The following SLC24A2 variants were observed in gnomAD, a reference collection of about 807,000 sequenced individuals.
SLC24A2 encodes solute carrier family 24 member 2, also known as sodium/potassium/calcium exchanger 2.
Under a neutral mutation model 62.0 loss-of-function variants are expected in SLC24A2, and 36 were observed. The observed-to-expected ratio is 0.58, with a 90% CI of 0.44 to 0.77. The LOEUF is 0.77. Among genes scored for constraint, SLC24A2 ranks in the 30% least tolerant of loss-of-function variants. The probability of loss-of-function intolerance (pLI) is 0.00; values close to 1 mark genes in which losing one functional copy is unlikely to be tolerated. For missense variants in SLC24A2, 846 were observed against 817.9 expected (o/e 1.03, Z -0.42); for synonymous variants, 358 against 294.0 (o/e 1.22, Z -2.23).
In SLC24A2 at chr9:19,677,631, C is replaced by A. The variant is rs114964432; in HGVS notation, c.931-55332G>T. On this transcript the variant is annotated intron_variant, in intron 2 of 10. Coordinates refer to ENST00000341998, the MANE Select transcript of SLC24A2 (RefSeq NM_020344.4). ...TTCAAATTAAACTGAATAAAACCTT[C>A]AATTCTCATGAATTTTGGCAATTTA... is the stretch of plus-strand genomic sequence containing the variant. Among the ~76,000 whole-genome samples, 300 of 152,228 alleles carry A rather than the reference C, an allele frequency of 2.0e-3. 1 individual carries two copies. Among genetic ancestry groups the A allele is most frequent in the African/African-American group, 6.6e-3 (274 of 41,556 alleles).
the SLC24A2 span, among the ~76,000 whole-genome samples, chr9:20,292,275 T>G: frequency 6.6e-6 from 1 of 152,226 alleles, no homozygotes; most frequent in Admixed American, 6.5e-5. Context: ...GACTGGAATG[T>G]TATTACAGAA....
intron 3 of SLC24A2, among the ~76,000 whole-genome samples, chr9:19,621,149 C>A (rs956553288): frequency 2.6e-5 from 4 of 152,204 alleles, no homozygotes; most frequent in Admixed American, 2.6e-4. Context: ...CACTTGTTAA[C>A]AATCATGGTC....
chr9:20,134,056 C>G, the SLC24A2 span, among the ~76,000 whole-genome samples: 1 of 152,096 alleles, frequency 6.6e-6, no homozygotes, highest in East Asian at 1.9e-4. Flanking sequence ...ACTAACCCAA[C>G]GATGTACACA....
the SLC24A2 span, among the ~76,000 whole-genome samples, chr9:19,962,796 G>A: frequency 6.6e-6 from 1 of 152,142 alleles, no homozygotes; most frequent in Non-Finnish European, 1.5e-5. Context: ...CAATCATGTT[G>A]TCTGCAAACA....
chr9:19,574,550 A>G (rs1835950409), intron 6 of SLC24A2, among the ~76,000 whole-genome samples: 1 of 152,182 alleles, frequency 6.6e-6, no homozygotes, highest in Non-Finnish European at 1.5e-5. Flanking sequence ...TGTTGCTACT[A>G]CTACCACTAA....
chr9:20,058,352 A>G, the SLC24A2 span, among the ~76,000 whole-genome samples: 7 of 152,124 alleles, frequency 4.6e-5, no homozygotes, highest in Non-Finnish European at 1.0e-4. Context: ...AATTTATAAA[A>G]TCTCCCTACT....
chr9:20,156,376 C>A, the SLC24A2 span, among the ~76,000 whole-genome samples: 1 of 151,648 alleles, frequency 6.6e-6, no homozygotes, highest in Non-Finnish European at 1.5e-5. Flanking sequence ...CTCCCAGCTG[C>A]CCAAGACCTT....
chr9:19,847,412 T>A, the SLC24A2 span, among the ~76,000 whole-genome samples: 4 of 152,182 alleles, frequency 2.6e-5, no homozygotes, highest in Non-Finnish European at 4.4e-5. Context: ...TACCAAGAAG[T>A]TCAATGGTCA....
intron 5 of SLC24A2, among the ~76,000 whole-genome samples, chr9:19,579,482 G>A (rs548030529): frequency 1.3e-5 from 2 of 152,234 alleles, no homozygotes; most frequent in East Asian, 1.9e-4. Context: ...GAGGAAAAAA[G>A]GAGGTTCTGA....
At chr9:19,764,129 G>C (rs1331035159) in intron 2 of SLC24A2, among the ~76,000 whole-genome samples, 1 of 152,192 alleles carries the variant, frequency 6.6e-6, no homozygotes, top group Non-Finnish European at 1.5e-5. Flanking sequence ...TTGGATGGTA[G>C]TTTGTATTTC....
chr9:19,603,442 C>T (rs190185640), intron 4 of SLC24A2, among the ~76,000 whole-genome samples: 1 of 151,948 alleles, frequency 6.6e-6, no homozygotes, highest in Non-Finnish European at 1.5e-5. Flanking sequence ...CTGTTGGTTT[C>T]TTTCATAGAA....
chr9:19,621,186 C>T (rs754706677), intron 3 of SLC24A2, among the ~76,000 whole-genome samples: 18 of 152,128 alleles, frequency 1.2e-4, no homozygotes, highest in Non-Finnish European at 2.4e-4. Flanking sequence ...AACATGAAAC[C>T]CGTAGAAAGT....
intron 2 of SLC24A2, among the ~76,000 whole-genome samples, chr9:19,687,872 C>T (rs1018530770): frequency 1.3e-5 from 2 of 152,042 alleles, no homozygotes; most frequent in African/African-American, 4.8e-5. Flanking sequence ...AAGGTGCTTG[C>T]GTTACTTAAA....
At chr9:19,783,397 A>C (rs1014164105) in intron 2 of SLC24A2, among the ~76,000 whole-genome samples, 1 of 152,124 alleles carries the variant, frequency 6.6e-6, no homozygotes, top group African/African-American at 2.4e-5. Flanking sequence ...CTCTAGGAAG[A>C]CTCCACTGAA....
At chr9:20,078,481 A>G in the SLC24A2 span, among the ~76,000 whole-genome samples, 3 of 152,150 alleles carry the variant, frequency 2.0e-5, no homozygotes, top group Non-Finnish European at 4.4e-5. Flanking sequence ...GAGCAGTACA[A>G]GAACAAGATG....
chr9:19,761,079 T>C (rs1822310328), intron 2 of SLC24A2, among the ~76,000 whole-genome samples: 2 of 152,108 alleles, frequency 1.3e-5, no homozygotes. Flanking sequence ...TAAATTAAAT[T>C]TAAAAAAATG....
chr9:19,958,567 G>C, the SLC24A2 span, among the ~76,000 whole-genome samples: 2 of 152,212 alleles, frequency 1.3e-5, no homozygotes, highest in Non-Finnish European at 2.9e-5. Context: ...GCAAGTCTAG[G>C]ATTCCAGTGT....
rs751875741 is a variant in SLC24A2 at position 19,528,010 on chromosome 9, G to A, written c.1569+39C>T. On this transcript the variant is annotated intron_variant, in intron 9 of 10. Transcript: ENST00000341998. ...TAAACACTTGACAATCAGGACTGGA[G>A]AAAAACAAGGCAGAGGCATGTCACT... is the stretch of plus-strand genomic sequence containing the variant. The A allele has an allele frequency of 4.1e-5, 52 of 1,279,310 alleles. No individual in the cohort carries two copies. In the South Asian group the frequency reaches 4.8e-4, roughly 12 times the overall value. The allele number at this position is 1,279,310 out of a possible 1,614,324, so 79.2% of individuals were successfully genotyped here.
rs1192446433 is a variant in SLC24A2 at position 19,563,628 on chromosome 9, T to TAAAC, written c.1347+9719_1347+9722dup. Among the ~76,000 whole-genome samples the TAAAC allele has an allele frequency of 7.2e-5, 11 of 152,328 alleles. 1 individual carries two copies. Among genetic ancestry groups the TAAAC allele is most frequent in the Admixed American group, 2.0e-4 (3 of 15,306 alleles). On this transcript the variant is annotated intron_variant, in intron 7 of 10. Coordinates refer to ENST00000341998, the MANE Select transcript of SLC24A2 (RefSeq NM_020344.4). ...GGGTCTAAAATCATAGCTGCAACTT[T>TAAAC]AAACAACAGTGACGATGCCAATCTG... is the stretch of plus-strand genomic sequence containing the variant.
Sources: gnomAD v4.1 joint callset for allele counts (sites outside exome capture counted in the v4.1 genomes callset) on GRCh38, gnomAD v4.1.1 for gene constraint, MANE v1.5 for transcripts, NCBI Gene and HGNC (gene_info 2026-07-23, HGNC 2026-07-21) for gene names.